Variants in CEP192 observed in about 807,000 individuals in gnomAD.
The protein encoded by CEP192 is centrosomal protein of 192 kDa.
A neutral mutation model predicts 271.8 loss-of-function variants in CEP192; 151 were observed. The ratio of observed to expected loss-of-function variants is 0.56; its 90% CI spans 0.49 to 0.64. CEP192 has a LOEUF of 0.64. Ranked by LOEUF, CEP192 falls within the 30% of genes least tolerant of loss-of-function variation. The pLI is 0.00. For missense variants in CEP192, 2,910 were observed against 3,020.5 expected (o/e 0.96, Z 0.86); for synonymous variants, 995 against 1,076.5 (o/e 0.92, Z 1.48).
intron 9 of CEP192, among the ~76,000 whole-genome samples, chr18:13,025,231 T>C (rs1220575993): frequency 2.0e-5 from 3 of 152,152 alleles, no homozygotes; most frequent in South Asian, 4.1e-4. Flanking sequence ...TTATTATTAC[T>C]ATTTTGAGAC....
In CEP192 at chr18:13,048,995, C is replaced by T; in HGVS notation, c.2204C>T (p.Ala735Val). 2 of 1,614,136 alleles carry T rather than the reference C, an allele frequency of 1.2e-6. No individual in the cohort carries two copies. Among genetic ancestry groups the T allele is most frequent in the Non-Finnish European group, 1.7e-6 (2 of 1,180,020 alleles). ...GTTAATACTGATCCTTCCCAACTTGCTGCAATGATCAAGGCACTTTCAAAT... is the reference window on the plus strand; with the variant it reads ...GTTAATACTGATCCTTCCCAACTTGTTGCAATGATCAAGGCACTTTCAAAT... ...ASVNTDPSQL[A>V]AMIKALSNKT... Residue 735 changes from alanine (A) to valine (V), a missense_variant, in exon 16 of 45, where the codon GCT (alanine) becomes GTT (valine). Ala to Val is a moderately conservative substitution (Grantham distance 64). Transcript: ENST00000506447.
rs1467974149 is a variant in CEP192, at chr18:13,072,771, T to G, written c.5365T>G (p.Leu1789Val). 1.2e-6 allele frequency: 2 copies of G among 1,608,276 alleles called. No homozygotes were observed. Among genetic ancestry groups the G allele is most frequent in the South Asian group, 2.2e-5 (2 of 90,944 alleles). The change falls in exon 29 of 45, where the codon TTA (leucine) becomes GTA (valine). Residue 1789 changes from leucine to valine, a missense_variant. Coordinates refer to ENST00000506447, the MANE Select transcript of CEP192 (RefSeq NM_032142.4). Reference protein sequence around the residue: ...LGRTQLQKLALRNNSASTTQH... With the variant: ...LGRTQLQKLAVRNNSASTTQH... ...TGTTTTTAGGCTTCAGAAACTAGCT[T>G]TAAGAAATAATTCTGCATCTACAAC...
At chr18:13,024,713 G>A (rs775132714) in intron 9 of CEP192, among the ~76,000 whole-genome samples, 50 of 151,708 alleles carry the variant, frequency 3.3e-4, no homozygotes, top group South Asian at 4.2e-4. Flanking sequence ...CACCCGCCTT[G>A]GCCTCCCAAA....
intron 9 of CEP192, among the ~76,000 whole-genome samples, chr18:13,022,746 A>G (rs1435742605): frequency 2.0e-5 from 3 of 152,192 alleles, no homozygotes; most frequent in African/African-American, 7.2e-5. Flanking sequence ...TTTGATTGGT[A>G]TTAAATTGAA....
At chr18:13,018,005 G>A (rs1235456565) in intron 7 of CEP192, among the ~76,000 whole-genome samples, 1 of 152,038 alleles carries the variant, frequency 6.6e-6, no homozygotes, top group Admixed American at 6.6e-5. Flanking sequence ...ACCATAATCT[G>A]TTTTCTCTCC....
intron 42 of CEP192, among the ~76,000 whole-genome samples, chr18:13,115,679 G>A (rs2040396298): frequency 6.6e-6 from 1 of 152,172 alleles, no homozygotes; most frequent in Non-Finnish European, 1.5e-5. Context: ...TAAAGGGGAT[G>A]GCTGTGAGAG....
chr18:13,002,497 G>A (rs141565721), intron 3 of CEP192, among the ~76,000 whole-genome samples: 2 of 151,926 alleles, frequency 1.3e-5, no homozygotes, highest in Admixed American at 6.6e-5. Context: ...TACATTTTTC[G>A]CACCTAGGAT....
chr18:13,119,572 T>C (rs988648152), intron 44 of CEP192, among the ~76,000 whole-genome samples: 2 of 152,100 alleles, frequency 1.3e-5, no homozygotes, highest in African/African-American at 4.8e-5. Flanking sequence ...TGAAACCCCA[T>C]CTCCACTAAA....
rs1416828559 is a variant in CEP192, at chr18:13,049,876, G to A, written c.3002G>A (p.Gly1001Glu). 1 of 1,613,842 alleles carries A rather than the reference G, an allele frequency of 6.2e-7. No individual in the cohort carries two copies. ...LSHSSPSEIS[G>E]TSSSGCALES... ...CATTCTTCTCCTAGTGAAATTTCTG[G>A]AACGAGTTCATCAGGGTAAGTGTGT... The change falls in exon 17 of 45, where the codon GGA (glycine) becomes GAA (glutamate). Residue 1001 changes from glycine (G) to glutamate (E), a missense_variant. Transcript: ENST00000506447.
chr18:13,044,911 T>A (rs1193747099), intron 15 of CEP192, among the ~76,000 whole-genome samples: 10 of 152,186 alleles, frequency 6.6e-5, no homozygotes, highest in Admixed American at 6.5e-4. Context: ...CTTTATCTAA[T>A]GCCTTTACTT....
At chr18:13,074,832 T>G (rs1408409435) in intron 30 of CEP192, among the ~76,000 whole-genome samples, 1 of 152,254 alleles carries the variant, frequency 6.6e-6, no homozygotes, top group Non-Finnish European at 1.5e-5. Flanking sequence ...GAGCCAGCCC[T>G]GTCTCTGTTA....
Position 13,116,013 on chromosome 18 carries a change from C to G in CEP192, c.7290-364C>G, listed in dbSNP as rs115711558. Reference sequence around the variant, plus strand: ...CAGCAAACATTGCCTGGAGGCCACACCTGCATCAGGCACTTGGAGCAGCCT... The same window carrying G: ...CAGCAAACATTGCCTGGAGGCCACAGCTGCATCAGGCACTTGGAGCAGCCT... On this transcript the variant is annotated intron_variant, in intron 42 of 44. Transcript: ENST00000506447. Among the ~76,000 whole-genome samples the G allele has an allele frequency of 5.7e-3, 866 of 152,256 alleles. 13 individuals are homozygous for G. The highest frequency in any genetic ancestry group is 0.02 in the African/African-American group (829 of 41,536).
intron 1 of CEP192, among the ~76,000 whole-genome samples, chr18:12,991,845 T>A (rs74816655): frequency 6.6e-6 from 1 of 152,230 alleles, no homozygotes; most frequent in Non-Finnish European, 1.5e-5. Context: ...GTTTCCTTTA[T>A]GTGCCCTGTG....
chr18:13,057,836 A>G, intron 20 of CEP192, 103 bp downstream of exon 20: 1 of 1,025,826 alleles, frequency 9.7e-7, no homozygotes, highest in East Asian at 2.6e-5. Context: ...CGCCTTTATT[A>G]ATGCACACAG....
In CEP192 at chr18:12,997,144, G is replaced by T. The variant is rs117002007; in HGVS notation, c.-4-2277G>T. Among the ~76,000 whole-genome samples, 189 of 152,266 alleles carry T rather than the reference G, an allele frequency of 1.2e-3. 6 individuals are homozygous for T. The East Asian group carries it at 0.034, about 27-fold the overall frequency. On this transcript the variant is annotated intron_variant, in intron 1 of 44. Coordinates refer to ENST00000506447, the MANE Select transcript of CEP192 (RefSeq NM_032142.4). The stretch of plus-strand genomic sequence containing the variant: ...GTAGAGTGGTTGTCAGTGCAGTGAG[G>T]GGTTGGGATCGAGTGCAAAGTGAAG...
chr18:13,053,470 C>T (rs555361434), intron 18 of CEP192, among the ~76,000 whole-genome samples: 10 of 152,166 alleles, frequency 6.6e-5, no homozygotes, highest in Non-Finnish European at 1.3e-4. Context: ...AGTTAGGCAG[C>T]GGGGAAGCAG....
chr18:13,121,553 G>A (rs2145165663), intron 44 of CEP192, among the ~76,000 whole-genome samples: 1 of 152,326 alleles, frequency 6.6e-6, no homozygotes, highest in South Asian at 2.1e-4. Flanking sequence ...TAAGGTTATA[G>A]GGAAAAGGAA....
At chr18:13,043,127 T>C (rs985568110) in intron 15 of CEP192, among the ~76,000 whole-genome samples, 11 of 152,244 alleles carry the variant, frequency 7.2e-5, no homozygotes, top group Non-Finnish European at 1.2e-4. Context: ...CATGTACATT[T>C]CCCTGATTAC....
rs1175880581 is a variant in CEP192 at position 13,100,352 on chromosome 18, T to G, written c.6711T>G (p.Leu2237=). 6.2e-7 allele frequency: 1 copy of G among 1,614,134 alleles called. No homozygotes were observed. The highest frequency in any genetic ancestry group is 2.2e-5 in the East Asian group (1 of 44,864). The change falls in exon 38 of 45, where the codon CTT becomes CTG. Residue 2237 remains leucine (L), a synonymous_variant. Transcript: ENST00000506447. Reference sequence around the variant, plus strand: ...GAGAAGATTTAACTCAAGTGGAACTTTTAACTCGTTTGACCTCCAAACCAT... The same window carrying G: ...GAGAAGATTTAACTCAAGTGGAACTGTTAACTCGTTTGACCTCCAAACCAT... ...QIREDLTQVE[L]LTRLTSKPFG...
Sources: gnomAD v4.1 joint callset for allele counts (sites outside exome capture counted in the v4.1 genomes callset) on GRCh38, gnomAD v4.1.1 for gene constraint, MANE v1.5 for transcripts, NCBI Gene and HGNC (gene_info 2026-07-23, HGNC 2026-07-21) for gene names.